SAMMSON: variants seen among roughly 807,000 people sequenced by gnomAD.
SAMMSON encodes survival associated mitochondrial melanoma specific oncogenic non-coding RNA.
chr3:70,231,452 A>C (rs771346276), intron 4 of SAMMSON, among the ~76,000 whole-genome samples: 1 of 152,338 alleles, frequency 6.6e-6, no homozygotes, highest in Middle Eastern at 3.4e-3. Context: ...AAAGCTCTAA[A>C]AGAGCTCCCT....
chr3:70,407,253 C>T (rs1701184458), intron 2 of SAMMSON, among the ~76,000 whole-genome samples: 1 of 152,120 alleles, frequency 6.6e-6, no homozygotes, highest in Non-Finnish European at 1.5e-5. Flanking sequence ...TACCCCTTGT[C>T]CCTCCAAATC....
chr3:70,380,199 A>G (rs1703053985), intron 9 of SAMMSON, among the ~76,000 whole-genome samples: 1 of 152,124 alleles, frequency 6.6e-6, no homozygotes, highest in African/African-American at 2.4e-5. Flanking sequence ...CAAAAATTTA[A>G]GAACCACAAA....
At chr3:70,272,423 C>T (rs764920446) in intron 6 of SAMMSON, 2 of 152,178 alleles carry the variant, frequency 1.3e-5, no homozygotes, top group Admixed American at 6.5e-5. Flanking sequence ...GAGGTTCATC[C>T]GTGTTGTTGA....
chr3:70,414,414 C>T (rs900055079), intron 2 of SAMMSON, among the ~76,000 whole-genome samples: 4 of 152,080 alleles, frequency 2.6e-5, no homozygotes, highest in African/African-American at 9.7e-5. Context: ...TGTATGTTTT[C>T]ATAAATAACC....
chr3:70,007,911 C>T (rs1333560243), intron 1 of SAMMSON, among the ~76,000 whole-genome samples: 1 of 152,130 alleles, frequency 6.6e-6, no homozygotes, highest in Non-Finnish European at 1.5e-5. Flanking sequence ...GGAATCCTTT[C>T]CCCATTTCTT....
At chr3:70,132,498 A>T (rs1256895287) in intron 4 of SAMMSON, among the ~76,000 whole-genome samples, 1 of 152,050 alleles carries the variant, frequency 6.6e-6, no homozygotes, top group Non-Finnish European at 1.5e-5. Context: ...GTAGTTGGCA[A>T]CCCCTATCAA....
intron 4 of SAMMSON, among the ~76,000 whole-genome samples, chr3:70,084,105 C>T (rs2067277002): frequency 6.6e-6 from 1 of 152,174 alleles, no homozygotes; most frequent in Non-Finnish European, 1.5e-5. Context: ...CACTCTTCCA[C>T]CTTGACACTT....
intron 7 of SAMMSON, among the ~76,000 whole-genome samples, chr3:70,309,655 C>G (rs931678180): frequency 6.6e-6 from 1 of 152,116 alleles, no homozygotes; most frequent in East Asian, 1.9e-4. Flanking sequence ...TAAATATATG[C>G]CAACCCATAT....
At chr3:70,432,183 T>G (rs760327727) in intron 2 of SAMMSON, among the ~76,000 whole-genome samples, 8 of 151,908 alleles carry the variant, frequency 5.3e-5, no homozygotes, top group Non-Finnish European at 1.2e-4. Flanking sequence ...AGTTCCAGTT[T>G]CTCTATATTC....
chr3:70,348,224 G>C (rs959309293), intron 7 of SAMMSON, among the ~76,000 whole-genome samples: 4 of 152,150 alleles, frequency 2.6e-5, no homozygotes, highest in Non-Finnish European at 4.4e-5. Flanking sequence ...AGAAAGGCTT[G>C]AATAAGAAAT....
chr3:70,227,629 C>T (rs2106741783), intron 4 of SAMMSON, among the ~76,000 whole-genome samples: 1 of 152,250 alleles, frequency 6.6e-6, no homozygotes, highest in South Asian at 2.1e-4. Context: ...CCATTGAAAC[C>T]GCAATTACTT....
At position 70,125,311 on chromosome 3, in the gene SAMMSON, A is replaced by C. The variant is rs1431089429; in HGVS notation, n.507+53746A>C. On this transcript the variant is annotated intron_variant and non_coding_transcript_variant, in intron 4 of 9. Coordinates refer to ENST00000642114, the Ensembl canonical transcript of SAMMSON. The stretch of plus-strand genomic sequence containing the variant: ...CAACATATCTTCCAAAAATATATTT[A>C]AGGTCCTTTTCTTGAACATGTTTAG... The C allele has an allele frequency of 5.0e-5, 66 of 1,333,324 alleles. No individual in the cohort carries two copies. The East Asian group carries it at 6.7e-4, about 14-fold the overall frequency. 82.6% of individuals were successfully genotyped at this position (1,333,324 alleles called of 1,614,324 possible). A position where few individuals can be genotyped will look rare whatever the true frequency, so the allele number is the denominator to read the frequency against.
At position 70,088,938 on chromosome 3, in the gene SAMMSON, AT is replaced by A. The variant is rs1417786364; in HGVS notation, n.507+17375del. Reference sequence around the variant, plus strand: ...GGGTACTGGGCAAGTGACTAGGCACATTGTGTATTTTCACTCAGAAAATTTC... The same window carrying A: ...GGGTACTGGGCAAGTGACTAGGCACATGTGTATTTTCACTCAGAAAATTTC... On this transcript the variant is annotated intron_variant and non_coding_transcript_variant, in intron 4 of 9. Coordinates refer to ENST00000642114, the Ensembl canonical transcript of SAMMSON. 3.9e-5 allele frequency among the ~76,000 whole-genome samples: 6 copies of A among 152,268 alleles called. No homozygotes were observed. The East Asian group carries it at 1.2e-3, about 29-fold the overall frequency.
At chr3:70,236,859 G>C (rs1049550351) in intron 4 of SAMMSON, among the ~76,000 whole-genome samples, 3 of 152,112 alleles carry the variant, frequency 2.0e-5, no homozygotes, top group Non-Finnish European at 4.4e-5. Context: ...AGCCTCCCAA[G>C]GTGTTAGGAT....
chr3:70,312,369 C>T (rs1343396756), intron 7 of SAMMSON, among the ~76,000 whole-genome samples: 1 of 152,162 alleles, frequency 6.6e-6, no homozygotes, highest in African/African-American at 2.4e-5. Flanking sequence ...AACAATAAAA[C>T]ACAAAAGCAT....
intron 4 of SAMMSON, among the ~76,000 whole-genome samples, chr3:70,134,684 A>T (rs1256150505): frequency 6.6e-6 from 1 of 152,074 alleles, no homozygotes; most frequent in Non-Finnish European, 1.5e-5. Flanking sequence ...TTTTTATGAC[A>T]TATTTCTAAT....
intron 4 of SAMMSON, among the ~76,000 whole-genome samples, chr3:70,149,346 G>A (rs1263670149): frequency 1.3e-5 from 2 of 152,078 alleles, no homozygotes; most frequent in African/African-American, 4.8e-5. Context: ...CTAATGTAAA[G>A]ACGCAAACCT....
At chr3:70,029,928 C>T (rs1237032455) in intron 3 of SAMMSON, among the ~76,000 whole-genome samples, 2 of 152,116 alleles carry the variant, frequency 1.3e-5, no homozygotes, top group Non-Finnish European at 2.9e-5. Context: ...TTGAGAGATT[C>T]TCACTTCTAG....
chr3:70,346,398 A>C (rs1245329103), intron 7 of SAMMSON, among the ~76,000 whole-genome samples: 2 of 151,424 alleles, frequency 1.3e-5, no homozygotes, highest in African/African-American at 4.8e-5. Context: ...TAGCCTTTCC[A>C]AGAAGTTTTA....
Sources: allele counts gnomAD v4.1 joint callset (sites outside exome capture counted in the v4.1 genomes callset), GRCh38; gene constraint gnomAD v4.1.1; transcripts MANE v1.5; gene names NCBI Gene and HGNC (gene_info 2026-07-23, HGNC 2026-07-21).